RUFY1: variants seen among roughly 807,000 people sequenced by gnomAD.
RUFY1 encodes the protein RUN and FYVE domain containing 1, also known as RUN and FYVE domain-containing protein 1.
In RUFY1, 54 loss-of-function variants were observed where a neutral mutation model predicts 94.6. The ratio of observed to expected loss-of-function variants is 0.57; its 90% CI spans 0.46 to 0.72. RUFY1 has a LOEUF of 0.72. Among genes scored for constraint, RUFY1 ranks in the 30% least tolerant of loss-of-function variants. RUFY1 has a pLI of 0.00. For synonymous variants in RUFY1, 396 were observed against 347.3 expected (o/e 1.14, Z -1.56); for missense variants, 883 against 883.9 (o/e 1.00, Z 0.01).
At chr5:179,577,883 C>A (rs1023166151) in intron 6 of RUFY1, among the ~76,000 whole-genome samples, 1 of 137,102 alleles carries the variant, frequency 7.3e-6, no homozygotes, top group Non-Finnish European at 1.6e-5. Flanking sequence ...AAAAAAAATT[C>A]TGGCAAAGAA....
At chr5:179,555,718 C>T (rs1449709452) in intron 1 of RUFY1, 3 of 389,484 alleles carry the variant, frequency 7.7e-6, no homozygotes, top group Non-Finnish European at 1.5e-5. Flanking sequence ...ACCTCCGCCT[C>T]CCAGGTTCAA....
intron 9 of RUFY1, 69 bp from the exon 10 acceptor site, chr5:179,591,556 T>G: frequency 1.1e-6 from 1 of 950,074 alleles, no homozygotes; most frequent in South Asian, 1.5e-5. Flanking sequence ...TGGTATATTT[T>G]GAAATACTTC....
At chr5:179,583,990 C>T (rs1026514748) in intron 7 of RUFY1, among the ~76,000 whole-genome samples, 9 of 152,098 alleles carry the variant, frequency 5.9e-5, no homozygotes, top group South Asian at 2.1e-4. Flanking sequence ...CGTTGTGATC[C>T]GCCCGCCTCG....
At chr5:179,562,996 G>T in intron 3 of RUFY1, 1 of 190,808 alleles carries the variant, frequency 5.2e-6, no homozygotes, top group Non-Finnish European at 1.1e-5. Context: ...AATACATTTT[G>T]GGCCAGATTG....
chr5:179,555,200 G>A (rs1003220783), intron 1 of RUFY1, among the ~76,000 whole-genome samples: 1 of 151,332 alleles, frequency 6.6e-6, no homozygotes, highest in African/African-American at 2.4e-5. Flanking sequence ...CTGGCGGGGT[G>A]CAGGTGGCTC....
At chr5:179,565,413 A>G (rs1762769877) in intron 3 of RUFY1, among the ~76,000 whole-genome samples, 1 of 151,926 alleles carries the variant, frequency 6.6e-6, no homozygotes, top group Non-Finnish European at 1.5e-5. Flanking sequence ...TCTTGACCTC[A>G]GGTGATCCAC....
intron 1 of RUFY1, among the ~76,000 whole-genome samples, chr5:179,554,274 T>G (rs1399039417): frequency 1.3e-5 from 2 of 152,180 alleles, no homozygotes; most frequent in Non-Finnish European, 2.9e-5. Context: ...CAGTGGCTCA[T>G]GCCTGTAATC....
At chr5:179,587,479 C>T (rs140917137) in intron 8 of RUFY1, among the ~76,000 whole-genome samples, 1 of 150,452 alleles carries the variant, frequency 6.6e-6, no homozygotes, top group African/African-American at 2.4e-5. Context: ...CCAAGCTCCA[C>T]CTCCCGGGTT....
At chr5:179,559,746 C>A (rs1390788277) in intron 1 of RUFY1, 1 of 1,139,214 alleles carries the variant, frequency 8.8e-7, no homozygotes, top group Non-Finnish European at 1.1e-6. Context: ...TTGCTAAAGC[C>A]GTCGCCGTAG....
chr5:179,558,818 A>G (rs1762238498), intron 1 of RUFY1, among the ~76,000 whole-genome samples: 1 of 152,194 alleles, frequency 6.6e-6, no homozygotes, highest in Non-Finnish European at 1.5e-5. Flanking sequence ...GTAATTAACT[A>G]TATAAAAATA....
intron 1 of RUFY1, among the ~76,000 whole-genome samples, chr5:179,557,461 T>C (rs1175176383): frequency 6.6e-6 from 1 of 152,164 alleles, no homozygotes; most frequent in East Asian, 1.9e-4. Flanking sequence ...AAGGGATAAT[T>C]TCACTTCTTA....
In RUFY1 at chr5:179,591,665, A is replaced by G. The variant is rs1765115269; in HGVS notation, c.1169A>G (p.Lys390Arg). Reference protein sequence around the residue: ...QDTKVELETYKQTRQGLDEMY... With the variant: ...QDTKVELETYRQTRQGLDEMY... ...ACCAAAGTTGAGCTGGAGACTTACAAGCAAACTCGGCAAGGTCTGGATGAA... is the reference window on the plus strand; with the variant it reads ...ACCAAAGTTGAGCTGGAGACTTACAGGCAAACTCGGCAAGGTCTGGATGAA... The change falls in exon 10 of 18, where the codon AAG becomes AGG. Residue 390 changes from lysine to arginine, a missense_variant. Transcript: ENST00000319449. 6.2e-7 allele frequency: 1 copy of G among 1,613,508 alleles called. No homozygotes were observed. Among genetic ancestry groups the G allele is most frequent in the Non-Finnish European group, 8.5e-7 (1 of 1,179,842 alleles).
intron 3 of RUFY1, among the ~76,000 whole-genome samples, chr5:179,564,119 CTT>C (rs59530799): frequency 4.6e-4 from 62 of 133,498 alleles, no homozygotes; most frequent in Admixed American, 1.2e-3. Context: ...CTGATGTTTT[CTT>C]TTTTTTTTTT....
At chr5:179,577,523 G>A (rs761156539) in intron 6 of RUFY1, among the ~76,000 whole-genome samples, 2 of 150,560 alleles carry the variant, frequency 1.3e-5, no homozygotes, top group Non-Finnish European at 3.0e-5. Context: ...GCGGAGGGCC[G>A]GGTCTCCGGA....
Position 179,594,963 on chromosome 5 carries a change from G to C in RUFY1, c.1511G>C (p.Arg504Thr). ...TCCAGCATGAAACAAATGGAAGAAA[G>C]GTAATCACTTCCCCCTGGCAGATAT... The part of the protein sequence containing the change: ...VMSSMKQMEE[R>T]LQHSERARQG... Residue 504 changes from arginine to threonine, a missense_variant and splice_region_variant, in exon 12 of 18, where the codon AGG becomes ACG. Arg to Thr is a moderately conservative substitution (Grantham distance 71). Coordinates refer to ENST00000319449, the MANE Select transcript of RUFY1 (RefSeq NM_025158.5). 6.3e-7 allele frequency: 1 copy of C among 1,592,086 alleles called. No individual in the cohort carries two copies. Among genetic ancestry groups the C allele is most frequent in the Non-Finnish European group, 8.6e-7 (1 of 1,160,548 alleles).
chr5:179,572,141 C>T, intron 5 of RUFY1: 1 of 269,482 alleles, frequency 3.7e-6, no homozygotes, highest in Non-Finnish European at 7.4e-6. Context: ...GCCTTTACCG[C>T]CACAGCTTTC....
intron 4 of RUFY1, chr5:179,569,095 G>A (rs1352936192): frequency 7.1e-6 from 7 of 982,838 alleles, no homozygotes; most frequent in African/African-American, 5.3e-5. Flanking sequence ...GAGGAGAGGC[G>A]AGCCCATTCT....
At chr5:179,595,692 C>T (rs996709302) in intron 12 of RUFY1, among the ~76,000 whole-genome samples, 20 of 152,016 alleles carry the variant, frequency 1.3e-4, no homozygotes, top group Non-Finnish European at 1.9e-4. Flanking sequence ...GCTGGGATTA[C>T]AGGTGCCTGC....
chr5:179,564,943 T>C (rs1335007657), intron 3 of RUFY1, among the ~76,000 whole-genome samples: 1 of 152,100 alleles, frequency 6.6e-6, no homozygotes, highest in Non-Finnish European at 1.5e-5. Flanking sequence ...TGACAGATAC[T>C]CAGCGAAATA....
Sources: gnomAD v4.1 joint callset for allele counts (sites outside exome capture counted in the v4.1 genomes callset) on GRCh38, gnomAD v4.1.1 for gene constraint, MANE v1.5 for transcripts, NCBI Gene and HGNC (gene_info 2026-07-23, HGNC 2026-07-21) for gene names.